Variants in DLGAP2 observed in about 807,000 individuals in gnomAD.
The protein encoded by DLGAP2 is disks large-associated protein 2.
Under a neutral mutation model 100.3 loss-of-function variants are expected in DLGAP2, and 26 were observed. That is an observed-to-expected ratio of 0.26 (90% CI 0.19 to 0.36). The LOEUF (loss-of-function observed/expected upper bound fraction) is 0.36. Ranked by LOEUF, DLGAP2 falls within the 10% of genes least tolerant of loss-of-function variation. The pLI is 1.00. For missense variants in DLGAP2, 1,858 were observed against 1,453.2 expected, an observed-to-expected ratio of 1.28 and a Z score of -4.53; for synonymous variants, 886 against 630.1, an observed-to-expected ratio of 1.41 and a Z score of -6.08.
At chr8:930,979 T>C (rs1798943187) in intron 2 of DLGAP2, among the ~76,000 whole-genome samples, 1 of 152,226 alleles carries the variant, frequency 6.6e-6, no homozygotes, top group Non-Finnish European at 1.5e-5. Flanking sequence ...CTCAGATCCA[T>C]TCTTCTGGGT....
At chr8:1,609,174 A>G (rs1796916729) in intron 6 of DLGAP2, among the ~76,000 whole-genome samples, 1 of 137,430 alleles carries the variant, frequency 7.3e-6, no homozygotes. Context: ...GAAGCCCATC[A>G]GACTAACAGC....
intron 13 of DLGAP2, among the ~76,000 whole-genome samples, chr8:1,695,659 G>A (rs535729022): frequency 6.6e-6 from 1 of 152,290 alleles, no homozygotes; most frequent in East Asian, 1.9e-4. Context: ...GCACAGCTGT[G>A]CCCAGCCCTA....
chr8:1,046,865 G>T (rs937401206), intron 2 of DLGAP2, among the ~76,000 whole-genome samples: 2 of 151,842 alleles, frequency 1.3e-5, no homozygotes, highest in African/African-American at 4.8e-5. Context: ...AGCCATCTGG[G>T]GTCAAGGCCT....
intron 3 of DLGAP2, among the ~76,000 whole-genome samples, chr8:1,424,700 G>C (rs1032087801): frequency 8.5e-5 from 13 of 152,212 alleles, no homozygotes; most frequent in Admixed American, 2.0e-4. Flanking sequence ...CAGATGCACA[G>C]ACAGAAGGCC....
chr8:1,424,574 G>A (rs1490016616), intron 3 of DLGAP2, among the ~76,000 whole-genome samples: 1 of 152,236 alleles, frequency 6.6e-6, no homozygotes, highest in Non-Finnish European at 1.5e-5. Context: ...ATCACAAAAG[G>A]ACAAGGACGG....
In DLGAP2 at chr8:825,022, C is replaced by G. The variant is rs186142492; in HGVS notation, c.19-82890C>G. On this transcript the variant is annotated intron_variant, in intron 1 of 14. Coordinates refer to ENST00000637795, the MANE Select transcript of DLGAP2 (RefSeq NM_001346810.2). Reference sequence around the variant, plus strand: ...TTCTGGCTGCAGGACAAGCAGCACCCTGTGTTGACTCCAGGTGCGAGTAAG... The same window carrying G: ...TTCTGGCTGCAGGACAAGCAGCACCGTGTGTTGACTCCAGGTGCGAGTAAG... 2.0e-3 allele frequency among the ~76,000 whole-genome samples: 298 copies of G among 152,280 alleles called. 1 individual carries two copies. Among genetic ancestry groups the G allele is most frequent in the Admixed American group, 2.9e-3 (44 of 15,300 alleles).
intron 2 of DLGAP2, among the ~76,000 whole-genome samples, chr8:1,085,630 C>T (rs1803950743): frequency 6.6e-6 from 1 of 152,140 alleles, no homozygotes; most frequent in Non-Finnish European, 1.5e-5. Flanking sequence ...CGTTGATGTG[C>T]ATATTTTTAT....
At chr8:915,350 G>A (rs543956539) in intron 2 of DLGAP2, among the ~76,000 whole-genome samples, 7 of 152,114 alleles carry the variant, frequency 4.6e-5, no homozygotes, top group Admixed American at 2.0e-4. Context: ...GATCGGGACC[G>A]TCCTGGCTAA....
intron 3 of DLGAP2, among the ~76,000 whole-genome samples, chr8:1,305,831 G>A (rs1800476998): frequency 1.3e-5 from 2 of 152,218 alleles, no homozygotes; most frequent in Non-Finnish European, 2.9e-5. Context: ...ATGACTGAAA[G>A]TTCTTCCTGT....
chr8:1,049,808 G>T (rs1217409176), intron 2 of DLGAP2, among the ~76,000 whole-genome samples: 1 of 152,256 alleles, frequency 6.6e-6, no homozygotes, highest in Non-Finnish European at 1.5e-5. Context: ...AGTAACAGGT[G>T]TGCATACGTG....
intron 6 of DLGAP2, among the ~76,000 whole-genome samples, chr8:1,571,046 G>A (rs1802645509): frequency 1.4e-5 from 2 of 145,186 alleles, no homozygotes; most frequent in Non-Finnish European, 3.0e-5. Flanking sequence ...GGAGAGGAGA[G>A]AGGTGAACTG....
intron 10 of DLGAP2, among the ~76,000 whole-genome samples, chr8:1,673,158 A>G (rs1585051253): frequency 6.6e-6 from 1 of 152,162 alleles, no homozygotes; most frequent in South Asian, 2.1e-4. Context: ...GCTGGAGTGC[A>G]GTGGTGCAAT....
intron 2 of DLGAP2, among the ~76,000 whole-genome samples, chr8:1,202,405 C>T (rs1037934377): frequency 4.0e-5 from 6 of 151,848 alleles, no homozygotes; most frequent in East Asian, 1.9e-4. Flanking sequence ...TGTTGTGGGG[C>T]GTGTGTGAGC....
chr8:1,437,548 T>C (rs1797681666), intron 3 of DLGAP2, among the ~76,000 whole-genome samples: 1 of 152,204 alleles, frequency 6.6e-6, no homozygotes, highest in South Asian at 2.1e-4. Flanking sequence ...CGTGGATGGA[T>C]GGATCAGAGT....
rs1297595512 is a variant in DLGAP2, at chr8:1,407,749, C to T, written c.107-93617C>T. On this transcript the variant is annotated intron_variant, in intron 3 of 14. Coordinates refer to ENST00000637795, the MANE Select transcript of DLGAP2 (RefSeq NM_001346810.2). ...TTACTGAGCGCCAGCTCGTCATCCTCCAGAGTCGTGTATTGAGTGCTTACT... is the reference window on the plus strand; with the variant it reads ...TTACTGAGCGCCAGCTCGTCATCCTTCAGAGTCGTGTATTGAGTGCTTACT... 1.4e-5 allele frequency among the ~76,000 whole-genome samples: 2 copies of T among 143,320 alleles called. 1 individual carries two copies. Among genetic ancestry groups the T allele is most frequent in the Non-Finnish European group, 3.1e-5 (2 of 65,238 alleles). 94.0% of individuals were successfully genotyped at this position (143,320 alleles called of 152,430 possible). A position where few individuals can be genotyped will look rare whatever the true frequency, so the allele number is the denominator to read the frequency against.
At chr8:1,361,046 CCTTTT>C (rs1372391144) in intron 3 of DLGAP2, among the ~76,000 whole-genome samples, 1 of 152,232 alleles carries the variant, frequency 6.6e-6, no homozygotes, top group East Asian at 1.9e-4. Context: ...GTGATCCTTT[CCTTTT>C]AAGCTTTGTG....
At chr8:1,106,901 G>A (rs1804792507) in intron 2 of DLGAP2, among the ~76,000 whole-genome samples, 1 of 152,184 alleles carries the variant, frequency 6.6e-6, no homozygotes, top group East Asian at 1.9e-4. Flanking sequence ...ACTCTGTAGA[G>A]GATAAGACTC....
chr8:1,657,599 G>T (rs779117064), intron 8 of DLGAP2, among the ~76,000 whole-genome samples: 1 of 152,184 alleles, frequency 6.6e-6, no homozygotes, highest in Non-Finnish European at 1.5e-5. Flanking sequence ...GCCATGTAGA[G>T]ATTTACAATT....
intron 14 of DLGAP2, among the ~76,000 whole-genome samples, chr8:1,697,808 G>A (rs1446605768): frequency 6.6e-6 from 1 of 152,116 alleles, no homozygotes; most frequent in South Asian, 2.1e-4. Context: ...TAATCTTCCT[G>A]TAGATCCATC....
Sources: gnomAD v4.1 joint callset for allele counts (sites outside exome capture counted in the v4.1 genomes callset) on GRCh38, gnomAD v4.1.1 for gene constraint, MANE v1.5 for transcripts, NCBI Gene and HGNC (gene_info 2026-07-23, HGNC 2026-07-21) for gene names.